Variants in IL1RAPL2 observed in about 807,000 individuals in gnomAD.
IL1RAPL2 encodes X-linked interleukin-1 receptor accessory protein-like 2.
In IL1RAPL2, 3 loss-of-function variants were observed where a neutral mutation model predicts 44.1. That is an observed-to-expected ratio of 0.07 (90% CI 0.03 to 0.18). IL1RAPL2 has a LOEUF of 0.18. Ranked by LOEUF, IL1RAPL2 falls within the 10% of genes least tolerant of loss-of-function variation. The pLI is 1.00. For synonymous variants in IL1RAPL2, 181 were observed against 178.8 expected, an observed-to-expected ratio of 1.01 and a Z score of -0.10; for missense variants, 391 against 496.4, an observed-to-expected ratio of 0.79 and a Z score of 2.02.
intron 3 of IL1RAPL2, among the ~76,000 whole-genome samples, chrX:105,210,652 G>A (rs1021953994): frequency 3.6e-5 from 4 of 111,718 alleles, no homozygotes; most frequent in African/African-American, 1.3e-4. Flanking sequence ...CCCTGCCCTA[G>A]AAGGATATAG....
intron 3 of IL1RAPL2, among the ~76,000 whole-genome samples, chrX:105,197,022 C>G (rs1556141891): frequency 9.0e-6 from 1 of 111,484 alleles, no homozygotes; most frequent in Non-Finnish European, 1.9e-5. Flanking sequence ...CCCAGGAGAA[C>G]AAGGTGGTAT....
intron 2 of IL1RAPL2, among the ~76,000 whole-genome samples, chrX:105,016,938 C>T (rs1189245016): frequency 3.6e-5 from 4 of 111,078 alleles, no homozygotes; most frequent in East Asian, 2.9e-4. Context: ...TGAATCTGTC[C>T]GGTCCTGGAC....
intron 5 of IL1RAPL2, among the ~76,000 whole-genome samples, chrX:105,448,949 A>T (rs1471321366): frequency 9.0e-6 from 1 of 111,224 alleles, no homozygotes; most frequent in Non-Finnish European, 1.9e-5. Context: ...TGAATTCCTT[A>T]TCTGTGTTAT....
chrX:104,735,046 A>G lies in IL1RAPL2; in HGVS notation c.82+76051A>G, dbSNP rs774281101. On this transcript the variant is annotated intron_variant, in intron 2 of 10. Coordinates refer to ENST00000372582, the MANE Select transcript of IL1RAPL2 (RefSeq NM_017416.2). ...TTTTAAAGTATACAAGACAAAATTA[A>G]GAATGTATTGCTTTTGATTACCATT... is the stretch of plus-strand genomic sequence containing the variant. 2.7e-5 allele frequency among the ~76,000 whole-genome samples: 3 copies of G among 111,972 alleles called. No homozygotes were observed. In the South Asian group the frequency reaches 1.1e-3, roughly 41 times the overall value.
At chrX:105,750,494 CAG>C (rs2038588379) in intron 9 of IL1RAPL2, among the ~76,000 whole-genome samples, 1 of 101,473 alleles carries the variant, frequency 9.9e-6, no homozygotes, top group African/African-American at 3.9e-5. Flanking sequence ...CTTGTAAAGA[CAG>C]GGTCTCACCT....
At chrX:104,968,196 G>A (rs1357480434) in intron 2 of IL1RAPL2, among the ~76,000 whole-genome samples, 1 of 111,720 alleles carries the variant, frequency 9.0e-6, no homozygotes, top group Non-Finnish European at 1.9e-5. Context: ...AGTAGACCAA[G>A]TTCAGTTTCA....
At chrX:104,801,445 T>G (rs1238311957) in intron 2 of IL1RAPL2, among the ~76,000 whole-genome samples, 1 of 71 alleles carries the variant, frequency 0.014, no homozygotes, top group Non-Finnish European at 0.034. Context: ...TTGTTGTTGT[T>G]TTTTTTTTGT....
At chrX:105,027,828 C>T (rs59018134) in intron 2 of IL1RAPL2, among the ~76,000 whole-genome samples, 7,481 of 111,115 alleles carry the variant, frequency 0.067, 667 homozygotes, top group African/African-American at 0.23. Context: ...CACTGCTGGG[C>T]ACATACCCAA....
chrX:105,423,155 A>G (rs1217116172), intron 5 of IL1RAPL2, among the ~76,000 whole-genome samples: 1 of 111,808 alleles, frequency 8.9e-6, no homozygotes, highest in Admixed American at 9.5e-5. Context: ...ACACGGTGCA[A>G]AGAAAACTAA....
chrX:105,082,628 G>T (rs1430914372), intron 2 of IL1RAPL2, among the ~76,000 whole-genome samples: 2 of 111,696 alleles, frequency 1.8e-5, no homozygotes, highest in Admixed American at 9.5e-5. Context: ...TTGCTGTTCT[G>T]CAGCCTCCTC....
At chrX:104,920,120 A>G (rs764264154) in intron 2 of IL1RAPL2, among the ~76,000 whole-genome samples, 1 of 111,067 alleles carries the variant, frequency 9.0e-6, no homozygotes, top group Admixed American at 9.5e-5. Context: ...CTCTTCCCCA[A>G]TATTTACTTT....
At chrX:104,954,006 A>T (rs767851402) in intron 2 of IL1RAPL2, among the ~76,000 whole-genome samples, 1 of 111,910 alleles carries the variant, frequency 8.9e-6, no homozygotes, top group Admixed American at 9.5e-5. Flanking sequence ...ATAGAAATCA[A>T]AAGTGTCCAG....
In IL1RAPL2 at chrX:104,707,574, T is replaced by C. The variant is rs1021615196; in HGVS notation, c.82+48579T>C. Among the ~76,000 whole-genome samples, 7 of 102,491 alleles carry C rather than the reference T, an allele frequency of 6.8e-5. 1 individual carries two copies. In the Admixed American group the frequency reaches 7.4e-4, roughly 11 times the overall value. 89.0% of individuals were successfully genotyped at this position (102,491 alleles called of 115,157 possible). A position where few individuals can be genotyped will look rare whatever the true frequency, so the allele number is the denominator to read the frequency against. On this transcript the variant is annotated intron_variant, in intron 2 of 10. Transcript: ENST00000372582. ...AGTGTTACTGGGATGATAATTTTATTGTACACCAAATACTGCTTTCTTTTG... is the reference window on the plus strand; with the variant it reads ...AGTGTTACTGGGATGATAATTTTATCGTACACCAAATACTGCTTTCTTTTG...
intron 2 of IL1RAPL2, among the ~76,000 whole-genome samples, chrX:105,141,817 T>C (rs1357574436): frequency 8.9e-6 from 1 of 112,429 alleles, no homozygotes; most frequent in Non-Finnish European, 1.9e-5. Flanking sequence ...TGGCTTCAGA[T>C]TATGTCAAAA....
At chrX:104,849,231 C>T (rs1166418978) in intron 2 of IL1RAPL2, among the ~76,000 whole-genome samples, 2 of 106,165 alleles carry the variant, frequency 1.9e-5, no homozygotes, top group Non-Finnish European at 3.9e-5. Flanking sequence ...GATTTCTCTA[C>T]ATGTTGCCCA....
intron 2 of IL1RAPL2, among the ~76,000 whole-genome samples, chrX:104,846,784 A>G (rs1161082706): frequency 8.9e-6 from 1 of 112,116 alleles, no homozygotes; most frequent in African/African-American, 3.2e-5. Flanking sequence ...TGTCTTCCAC[A>G]ATGGTTGAAC....
At chrX:105,084,124 G>A (rs1432955791) in intron 2 of IL1RAPL2, among the ~76,000 whole-genome samples, 2 of 112,369 alleles carry the variant, frequency 1.8e-5, no homozygotes, top group East Asian at 5.6e-4. Context: ...TTTGCTGCAG[G>A]GGAAGAGCTC....
intron 2 of IL1RAPL2, among the ~76,000 whole-genome samples, chrX:104,995,763 T>C (rs2030737208): frequency 1.8e-5 from 2 of 111,981 alleles, no homozygotes; most frequent in African/African-American, 6.5e-5. Flanking sequence ...AAGAGATCAA[T>C]CCTTCATGTG....
Position 105,679,152 on chromosome X carries a change from A to G in IL1RAPL2, c.773-38215A>G, listed in dbSNP as rs180724129. On this transcript the variant is annotated intron_variant, in intron 6 of 10. Transcript: ENST00000372582. ...ATGAAAGATGCATGAACAACAAGCT[A>G]TGATACTATAATGACACTTGAGGCT... 3.6e-5 allele frequency among the ~76,000 whole-genome samples: 4 copies of G among 111,024 alleles called. No individual in the cohort carries two copies. In the East Asian group the frequency reaches 1.1e-3, roughly 32 times the overall value.
Sources: allele counts gnomAD v4.1 joint callset (sites outside exome capture counted in the v4.1 genomes callset), GRCh38; gene constraint gnomAD v4.1.1; transcripts MANE v1.5; gene names NCBI Gene and HGNC (gene_info 2026-07-23, HGNC 2026-07-21).